TMEM135: variants seen among roughly 807,000 people sequenced by gnomAD.
TMEM135 encodes the protein peroxisomal membrane protein 52.
TMEM135 carries 30 observed loss-of-function variants against 60.3 expected under a neutral mutation model. The ratio of observed to expected loss-of-function variants is 0.50; its 90% CI spans 0.37 to 0.68. TMEM135 has a LOEUF of 0.68. Among genes scored for constraint, TMEM135 ranks in the 30% least tolerant of loss-of-function variants. The probability of loss-of-function intolerance (pLI) is 0.00; values close to 1 mark genes in which losing one functional copy is unlikely to be tolerated. For missense variants in TMEM135, 468 were observed against 548.8 expected (o/e 0.85, Z 1.47); for synonymous variants, 190 against 186.7 (o/e 1.02, Z -0.14).
intron 1 of TMEM135, among the ~76,000 whole-genome samples, chr11:87,047,240 CTTGA>C (rs1454384321): frequency 6.6e-6 from 1 of 151,988 alleles, no homozygotes; most frequent in East Asian, 1.9e-4. Context: ...ACAGAGAGCT[CTTGA>C]TTTTCTGGGG....
intron 4 of TMEM135, among the ~76,000 whole-genome samples, chr11:87,130,166 A>ATT (rs57192191): frequency 6.8e-6 from 1 of 146,710 alleles, no homozygotes; most frequent in African/African-American, 2.5e-5. Context: ...CAGTTCCAGC[A>ATT]TTTTTTTTTT....
chr11:87,204,995 A>T (rs1326535973), intron 5 of TMEM135, among the ~76,000 whole-genome samples: 1 of 152,162 alleles, frequency 6.6e-6, no homozygotes, highest in African/African-American at 2.4e-5. Flanking sequence ...GATAATACTT[A>T]ATGTTCCCAT....
chr11:87,244,015 G>C (rs61905651), intron 6 of TMEM135, among the ~76,000 whole-genome samples: 1 of 87,080 alleles, frequency 1.1e-5, no homozygotes, highest in South Asian at 3.7e-4. Context: ...ATTATTTTGA[G>C]ATACGTCCCA....
chr11:87,295,918 A>T, intron 7 of TMEM135, 95 bp downstream of exon 7: 1 of 996,970 alleles, frequency 1.0e-6, no homozygotes, highest in Non-Finnish European at 1.5e-6. Context: ...CTAAGCATTT[A>T]AACTGAAAAT....
intron 3 of TMEM135, among the ~76,000 whole-genome samples, chr11:87,076,995 A>C (rs1237608139): frequency 5.3e-5 from 8 of 152,208 alleles, no homozygotes; most frequent in Non-Finnish European, 1.2e-4. Flanking sequence ...AGTATTCACT[A>C]ATTCTTATGT....
rs1186637819 is a variant in TMEM135 at position 87,157,384 on chromosome 11, T to C, written c.440T>C (p.Ile147Thr). 1.2e-6 allele frequency: 2 copies of C among 1,613,046 alleles called. No individual in the cohort carries two copies. Among genetic ancestry groups the C allele is most frequent in the African/African-American group, 1.3e-5 (1 of 74,862 alleles). ...AGAATGGGTGTAGCAAGAGGAACCA[T>C]CACAACATTAAGAAATGGAGAAGTA... ...LFRMGVARGT[I>T]TTLRNGEVLL... The change falls in exon 5 of 15, where the codon ATC (isoleucine) becomes ACC (threonine). Residue 147 changes from isoleucine (I) to threonine (T), a missense_variant. Ile to Thr is a moderately conservative substitution (Grantham distance 89, BLOSUM62 -1). Transcript: ENST00000305494.
intron 4 of TMEM135, among the ~76,000 whole-genome samples, chr11:87,139,106 A>G (rs1938193543): frequency 6.6e-6 from 1 of 152,160 alleles, no homozygotes; most frequent in South Asian, 2.1e-4. Flanking sequence ...GTTTATATGA[A>G]TTTAAGATAA....
rs149521006 is a variant in TMEM135 at position 87,085,678 on chromosome 11, G to A, written c.363-5684G>A. ...AGGCTGGGGTGGGAGGATGCCTTGT[G>A]CCTGGGAGGTGGAAGTTTCAGTGAG... On this transcript the variant is annotated intron_variant, in intron 3 of 14. Coordinates refer to ENST00000305494, the MANE Select transcript of TMEM135 (RefSeq NM_022918.4). Among the ~76,000 whole-genome samples the A allele has an allele frequency of 5.9e-3, 892 of 152,234 alleles. 15 individuals are homozygous for A. The highest frequency in any genetic ancestry group is 0.02 in the African/African-American group (851 of 41,526).
intron 4 of TMEM135, among the ~76,000 whole-genome samples, chr11:87,093,512 A>G (rs73527070): frequency 0.096 from 14,510 of 151,752 alleles, 728 homozygotes; most frequent in African/African-American, 0.11. Flanking sequence ...TGCCCAGCCA[A>G]TTTACTTGTT....
At chr11:87,176,527 C>T (rs1002387771) in intron 5 of TMEM135, among the ~76,000 whole-genome samples, 1 of 152,002 alleles carries the variant, frequency 6.6e-6, no homozygotes, top group Admixed American at 6.6e-5. Flanking sequence ...TGAGATGGTT[C>T]AGTAGGGATG....
chr11:87,150,642 T>C (rs2135258600), intron 4 of TMEM135, among the ~76,000 whole-genome samples: 1 of 152,376 alleles, frequency 6.6e-6, no homozygotes, highest in East Asian at 1.9e-4. Flanking sequence ...CCTCACTTTT[T>C]ATTTGCTTAG....
chr11:87,293,321 C>A (rs10219365), intron 6 of TMEM135, among the ~76,000 whole-genome samples: 3,678 of 152,078 alleles, frequency 0.024, 156 homozygotes, highest in African/African-American at 0.084. Context: ...ACATTTCTCA[C>A]TGTTAACATG....
At chr11:87,259,924 T>G (rs1280290189) in intron 6 of TMEM135, among the ~76,000 whole-genome samples, 3 of 152,194 alleles carry the variant, frequency 2.0e-5, no homozygotes, top group African/African-American at 4.8e-5. Context: ...AGGGCCTTGA[T>G]GGTGGCTGAG....
At chr11:87,311,935 A>G (rs1257123530) in intron 10 of TMEM135, among the ~76,000 whole-genome samples, 1 of 151,890 alleles carries the variant, frequency 6.6e-6, no homozygotes, top group Non-Finnish European at 1.5e-5. Flanking sequence ...GTTTGATGTT[A>G]TAATGTTTCC....
intron 4 of TMEM135, among the ~76,000 whole-genome samples, chr11:87,108,479 C>G (rs1198522328): frequency 1.3e-5 from 2 of 151,566 alleles, no homozygotes; most frequent in Admixed American, 6.6e-5. Context: ...AAGGGTTTGT[C>G]AATTTTATTT....
chr11:87,320,586 T>C (rs1942803626), intron 14 of TMEM135, among the ~76,000 whole-genome samples: 1 of 152,204 alleles, frequency 6.6e-6, no homozygotes, highest in African/African-American at 2.4e-5. Context: ...AGGTCTATCC[T>C]GTACATTAGC....
intron 6 of TMEM135, among the ~76,000 whole-genome samples, chr11:87,255,102 C>T (rs1422060311): frequency 6.6e-6 from 1 of 151,932 alleles, no homozygotes; most frequent in Non-Finnish European, 1.5e-5. Context: ...CTCCATTTCT[C>T]CCCCACTCTG....
intron 6 of TMEM135, among the ~76,000 whole-genome samples, chr11:87,249,907 T>C (rs1251535362): frequency 6.6e-6 from 1 of 152,112 alleles, no homozygotes; most frequent in African/African-American, 2.4e-5. Context: ...TATAGTAAAA[T>C]TCTGCAGTGA....
chr11:87,158,236 C>T (rs1300143054), intron 5 of TMEM135, among the ~76,000 whole-genome samples: 1 of 152,024 alleles, frequency 6.6e-6, no homozygotes, highest in Non-Finnish European at 1.5e-5. Flanking sequence ...CTTAGAATTC[C>T]CTATTCTTGA....
Sources: gnomAD v4.1 joint callset for allele counts (sites outside exome capture counted in the v4.1 genomes callset) on GRCh38, gnomAD v4.1.1 for gene constraint, MANE v1.5 for transcripts, NCBI Gene and HGNC (gene_info 2026-07-23, HGNC 2026-07-21) for gene names.